TARS2: variants seen among roughly 807,000 people sequenced by gnomAD.
TARS2 encodes the protein threonine--tRNA ligase, mitochondrial.
In TARS2, 61 loss-of-function variants were observed where a neutral mutation model predicts 94.4. The ratio of observed to expected loss-of-function variants is 0.65; its 90% CI spans 0.53 to 0.80. The LOEUF (loss-of-function observed/expected upper bound fraction) is 0.80, where lower values mean the gene tolerates loss of function less well. Ranked by LOEUF, TARS2 falls within the 30% of genes least tolerant of loss-of-function variation. The pLI is 0.00. For missense variants in TARS2, 704 were observed against 902.5 expected (o/e 0.78, Z 2.82); for synonymous variants, 359 against 353.4 (o/e 1.02, Z -0.18).
chr1:150,497,890 G>A (rs1376475487), intron 10 of TARS2, 143 bp downstream of exon 10: 1 of 791,806 alleles, frequency 1.3e-6, no homozygotes, highest in Non-Finnish European at 1.9e-6. Context: ...TCGGGAGTTT[G>A]AGACCAGCCT....
In TARS2 at chr1:150,503,904, A is replaced by G. The variant is rs1359453683; in HGVS notation, c.1618-431A>G. On this transcript the variant is annotated intron_variant, in intron 13 of 17. Transcript: ENST00000369064. ...GGTGACAGAGTGAGACTCTGTCTCAAAAAAAAAAAAAAAAAAGGAATAATT... is the reference window on the plus strand; with the variant it reads ...GGTGACAGAGTGAGACTCTGTCTCAGAAAAAAAAAAAAAAAAGGAATAATT... 8.2e-5 allele frequency among the ~76,000 whole-genome samples: 12 copies of G among 145,842 alleles called. No homozygotes were observed. The East Asian group carries it at 2.2e-3, about 27-fold the overall frequency.
intron 7 of TARS2, among the ~76,000 whole-genome samples, chr1:150,493,289 C>T (rs1382537434): frequency 6.6e-6 from 1 of 152,010 alleles, no homozygotes; most frequent in African/African-American, 2.4e-5. Context: ...AATTCAGATG[C>T]CCTAATATGA....
chr1:150,492,329 C>A, intron 6 of TARS2, 82 bp from the exon 7 acceptor site: 1 of 1,401,974 alleles, frequency 7.1e-7, no homozygotes, highest in Non-Finnish European at 1.0e-6. Context: ...TTCACCTCTT[C>A]TGTCAGCTAA....
chr1:150,489,571 G>A (rs1379727161), intron 3 of TARS2, among the ~76,000 whole-genome samples: 2 of 152,158 alleles, frequency 1.3e-5, no homozygotes, highest in South Asian at 2.1e-4. Context: ...GGAATATATC[G>A]CACTAGATTC....
At position 150,504,731 on chromosome 1, in the gene TARS2, A is replaced by G. The variant is rs751632537; in HGVS notation, c.1818A>G (p.Lys606=). Reference sequence around the variant, plus strand: ...TGCTGGCAGAAAGCTGCGGGGGGAAATGGTGAGACCTCTGACCTGGATTTC... The same window carrying G: ...TGCTGGCAGAAAGCTGCGGGGGGAAGTGGTGAGACCTCTGACCTGGATTTC... ...LGVLAESCGG[K]WPLWLSPFQV... The change falls in exon 15 of 18, where the codon AAA becomes AAG. Residue 606 remains lysine (K), a splice_region_variant and synonymous_variant. Transcript: ENST00000369064. The G allele has an allele frequency of 6.2e-7, 1 of 1,614,150 alleles. No homozygotes were observed. The highest frequency in any genetic ancestry group is 8.5e-7 in the Non-Finnish European group (1 of 1,180,036).
chr1:150,500,165 A>T (rs972107970), intron 13 of TARS2, among the ~76,000 whole-genome samples: 6 of 152,068 alleles, frequency 3.9e-5, no homozygotes, highest in African/African-American at 9.7e-5. Context: ...TGATAGAGTG[A>T]GACCCTGTCT....
At chr1:150,488,613 G>A in intron 2 of TARS2, 2 of 212,972 alleles carry the variant, frequency 9.4e-6, no homozygotes, top group Non-Finnish European at 1.9e-5. Context: ...AAATCAGGGT[G>A]TTCAGGATAT....
chr1:150,505,055 G>C, intron 16 of TARS2, 77 bp downstream of exon 16: 1 of 1,468,632 alleles, frequency 6.8e-7, no homozygotes, highest in Non-Finnish European at 9.4e-7. Flanking sequence ...GCAGGAAGAG[G>C]CTGCAGGGGT....
chr1:150,492,443 C>G lies in TARS2; in HGVS notation c.728C>G (p.Pro243Arg), dbSNP rs1456422621. ...ACATTGGTTGACCTTTGCCAGGGCC[C>G]CCACCTTCGGCATACTGGACAGATT... Reference protein sequence around the residue: ...CGTLVDLCQGPHLRHTGQIGG... With the variant: ...CGTLVDLCQGRHLRHTGQIGG... Residue 243 changes from proline to arginine, a missense_variant, in exon 7 of 18, where the codon CCC (proline) becomes CGC (arginine). Physicochemically the swap from Pro to Arg is moderately radical, Grantham distance 103. This residue lies in a region of TARS2 where 466 missense variants were observed against 609.5 expected (regional missense o/e 0.76). Coordinates refer to ENST00000369064, the MANE Select transcript of TARS2 (RefSeq NM_025150.5). 7 of 1,613,936 alleles carry G rather than the reference C, an allele frequency of 4.3e-6. No individual in the cohort carries two copies. Among genetic ancestry groups the G allele is most frequent in the Non-Finnish European group, 5.9e-6 (7 of 1,179,936 alleles).
intron 11 of TARS2, 107 bp from the exon 12 acceptor site, chr1:150,498,790 C>G: frequency 1.2e-6 from 2 of 1,607,012 alleles, no homozygotes; most frequent in Non-Finnish European, 1.7e-6. Flanking sequence ...CTACCCCCAG[C>G]TTGCTTCCGC....
Position 150,507,042 on chromosome 1 carries a change from C to T in TARS2, c.2135C>T (p.Pro712Leu), listed in dbSNP as rs587617625. The change falls in exon 18 of 18, where the codon CCA (proline) becomes CTA (leucine). Residue 712 changes from proline (P) to leucine (L), a missense_variant. Pro to Leu is a moderately conservative substitution (Grantham distance 98, BLOSUM62 -3). Coordinates refer to ENST00000369064, the MANE Select transcript of TARS2 (RefSeq NM_025150.5). ...RLVELQNTRV[P>L]NAEEIF ...GTGGAGCTACAGAACACGAGGGTCC[C>T]AAATGCCGAAGAAATTTTCTGAGCC... is the stretch of plus-strand genomic sequence containing the variant. The T allele has an allele frequency of 4.3e-6, 7 of 1,614,102 alleles. No individual in the cohort carries two copies. The highest frequency in any genetic ancestry group is 2.2e-5 in the South Asian group (2 of 91,072).
chr1:150,490,114 C>CT (rs772454527), intron 3 of TARS2, among the ~76,000 whole-genome samples: 1,293 of 80,114 alleles, frequency 0.016, 129 homozygotes, highest in South Asian at 0.053. Context: ...TCTATTCAGT[C>CT]TTTTTTTTTT....
chr1:150,494,921 C>A (rs1669588934), intron 7 of TARS2, among the ~76,000 whole-genome samples: 2 of 152,106 alleles, frequency 1.3e-5, no homozygotes, highest in African/African-American at 4.8e-5. Context: ...GTGGCTCACG[C>A]CTGTAATCCC....
chr1:150,496,814 AG>A lies in TARS2; in HGVS notation c.928del (p.Glu310SerfsTer8). On this transcript the variant is annotated frameshift_variant, in exon 9 of 18. Coordinates refer to ENST00000369064, the MANE Select transcript of TARS2 (RefSeq NM_025150.5). LOFTEE classifies it high-confidence loss of function. ...LRDHRRIGKE[Q>X]ELFFFHELSP... ...TATTGCTATTCCTGACCCCAGGAAC[AG>A]GAGCTCTTCTTCTTCCATGAACTGA... 6.2e-7 allele frequency: 1 copy of A among 1,613,980 alleles called. No individual in the cohort carries two copies. Among genetic ancestry groups the A allele is most frequent in the Non-Finnish European group, 8.5e-7 (1 of 1,180,026 alleles).
At chr1:150,494,475 CA>C (rs1354052128) in intron 7 of TARS2, among the ~76,000 whole-genome samples, 1 of 151,428 alleles carries the variant, frequency 6.6e-6, no homozygotes, top group African/African-American at 2.4e-5. Flanking sequence ...TGCGGTGGTT[CA>C]CACGTGTAAT....
chr1:150,505,285 T>C (rs587671562), intron 16 of TARS2, among the ~76,000 whole-genome samples: 1 of 152,230 alleles, frequency 6.6e-6, no homozygotes, highest in African/African-American at 2.4e-5. Flanking sequence ...CTAGAGAGAA[T>C]TGAGGATATG....
At chr1:150,494,088 AGGCATGGT>A (rs1669530586) in intron 7 of TARS2, among the ~76,000 whole-genome samples, 1 of 151,698 alleles carries the variant, frequency 6.6e-6, no homozygotes, top group African/African-American at 2.4e-5. Flanking sequence ...AAACCAGGCC[AGGCATGGT>A]GGCTCACACC....
At position 150,507,251 on chromosome 1, in the gene TARS2, A is replaced by T. The variant is rs1670270968; in HGVS notation, c.*187A>T. 3 of 723,578 alleles carry T rather than the reference A, an allele frequency of 4.1e-6. No individual in the cohort carries two copies. Among genetic ancestry groups the T allele is most frequent in the Non-Finnish European group, 6.5e-6 (3 of 462,086 alleles). 44.8% of individuals were successfully genotyped at this position (723,578 alleles called of 1,614,324 possible). The stretch of plus-strand genomic sequence containing the variant: ...AAGGAGGGAAGCTGTAGCTGTTTGG[A>T]TGTGAGGAGAATGAAACTACAAAAA... On this transcript the variant is annotated 3_prime_UTR_variant, in exon 18 of 18. Transcript: ENST00000369064.
In TARS2 at chr1:150,497,655, C is replaced by A; in HGVS notation, c.1146C>A (p.Gly382=). The A allele has an allele frequency of 6.2e-7, 1 of 1,614,188 alleles. No homozygotes were observed. Among genetic ancestry groups the A allele is most frequent in the Non-Finnish European group, 8.5e-7 (1 of 1,180,040 alleles). Residue 382 remains glycine, a synonymous_variant, in exon 10 of 18, where the codon GGC becomes GGA. Coordinates refer to ENST00000369064, the MANE Select transcript of TARS2 (RefSeq NM_025150.5). ...QEDMFAVQPP[G]SDRPPSSQSD... ...ACATGTTTGCCGTGCAGCCCCCAGGCTCTGACAGGCCTCCCAGCTCCCAGA... is the reference window on the plus strand; with the variant it reads ...ACATGTTTGCCGTGCAGCCCCCAGGATCTGACAGGCCTCCCAGCTCCCAGA...
Sources: gnomAD v4.1 joint callset for allele counts (sites outside exome capture counted in the v4.1 genomes callset) on GRCh38, gnomAD v4.1.1 for gene constraint, gnomAD v4.1.1 regional missense constraint, MANE v1.5 for transcripts, NCBI Gene and HGNC (gene_info 2026-07-23, HGNC 2026-07-21) for gene names.